The following SEMA3C variants were observed in gnomAD, a reference collection of about 807,000 sequenced individuals.
SEMA3C encodes the protein semaphorin-3C.
SEMA3C carries 47 observed loss-of-function variants against 89.4 expected under a neutral mutation model. That is an observed-to-expected ratio of 0.53 (90% CI 0.42 to 0.67). The LOEUF (loss-of-function observed/expected upper bound fraction) is 0.67, where lower values mean the gene tolerates loss of function less well. Among genes scored for constraint, SEMA3C ranks in the 30% least tolerant of loss-of-function variants. SEMA3C has a pLI of 0.00. For synonymous variants in SEMA3C, 310 were observed against 320.2 expected (o/e 0.97, Z 0.34); for missense variants, 839 against 929.1 (o/e 0.90, Z 1.26).
intron 12 of SEMA3C, among the ~76,000 whole-genome samples, chr7:80,768,224 CCT>C (rs1472226664): frequency 2.4e-4 from 37 of 152,126 alleles, no homozygotes; most frequent in Admixed American, 1.9e-3. Context: ...CTTAGAATTA[CCT>C]CTGATAGCCG....
intron 2 of SEMA3C, among the ~76,000 whole-genome samples, chr7:80,882,456 A>T (rs542184744): frequency 2.9e-4 from 32 of 110,572 alleles, no homozygotes; most frequent in African/African-American, 1.1e-3. Context: ...TTCACTGTCA[A>T]TTATGCCTCG....
intron 2 of SEMA3C, among the ~76,000 whole-genome samples, chr7:80,909,037 G>C (rs767176461): frequency 2.0e-5 from 3 of 151,880 alleles, no homozygotes; most frequent in Admixed American, 1.3e-4. Flanking sequence ...AGACTAAAAC[G>C]GTATTCAAAT....
intron 12 of SEMA3C, among the ~76,000 whole-genome samples, chr7:80,777,081 A>G (rs543761641): frequency 1.3e-5 from 2 of 152,230 alleles, no homozygotes; most frequent in Admixed American, 6.5e-5. Flanking sequence ...GCTTATACAT[A>G]TTTTATCTCA....
At chr7:80,876,226 A>G (rs1583969482) in intron 2 of SEMA3C, among the ~76,000 whole-genome samples, 1 of 152,162 alleles carries the variant, frequency 6.6e-6, no homozygotes, top group East Asian at 1.9e-4. Context: ...ATATTCTTAT[A>G]TTATCTGGTT....
intron 2 of SEMA3C, among the ~76,000 whole-genome samples, chr7:80,884,020 T>C (rs1474299649): frequency 6.6e-6 from 1 of 152,222 alleles, no homozygotes; most frequent in Non-Finnish European, 1.5e-5. Context: ...TGAGCAGAAA[T>C]TCCATTTTGG....
chr7:80,752,551 G>A (rs943280407), intron 15 of SEMA3C, among the ~76,000 whole-genome samples: 129 of 147,080 alleles, frequency 8.8e-4, no homozygotes, highest in African/African-American at 3.2e-3. Flanking sequence ...GGAGGTGGAG[G>A]TTGTGGTGAG....
At chr7:80,863,886 T>TATGTATCACATACATATCACACAC (rs1562912102) in intron 2 of SEMA3C, among the ~76,000 whole-genome samples, 11 of 122,448 alleles carry the variant, frequency 9.0e-5, no homozygotes, top group South Asian at 5.3e-4. Context: ...GTATCACATA[T>TATGTATCACATACATATCACACAC]ATATCACACA....
chr7:80,890,334 G>A (rs543899444), intron 2 of SEMA3C, among the ~76,000 whole-genome samples: 17 of 152,162 alleles, frequency 1.1e-4, no homozygotes, highest in Non-Finnish European at 2.2e-4. Context: ...TCTCCCTTTG[G>A]TTGTGGCCCC....
intron 2 of SEMA3C, among the ~76,000 whole-genome samples, chr7:80,876,656 ACTG>A (rs780134279): frequency 6.6e-6 from 1 of 152,254 alleles, no homozygotes; most frequent in Non-Finnish European, 1.5e-5. Flanking sequence ...TATAAATTAT[ACTG>A]CTTTCTCATC....
At chr7:80,750,699 A>G (rs1471709731) in intron 16 of SEMA3C, among the ~76,000 whole-genome samples, 1 of 151,900 alleles carries the variant, frequency 6.6e-6, no homozygotes, top group Admixed American at 6.6e-5. Context: ...ATTCATAAGA[A>G]TTCATAAAGA....
intron 2 of SEMA3C, among the ~76,000 whole-genome samples, chr7:80,874,324 T>C (rs893127543): frequency 6.6e-6 from 1 of 152,180 alleles, no homozygotes; most frequent in African/African-American, 2.4e-5. Context: ...GTCCTTTGCA[T>C]ACTGGTTGTT....
chr7:80,780,895 C>T (rs1788678451), intron 12 of SEMA3C, among the ~76,000 whole-genome samples: 1 of 152,116 alleles, frequency 6.6e-6, no homozygotes, highest in Non-Finnish European at 1.5e-5. Flanking sequence ...TAAAACAACA[C>T]AAATTTATTA....
chr7:80,750,432 GTACATATATA>G (rs1787897717), intron 16 of SEMA3C, among the ~76,000 whole-genome samples: 1 of 31,144 alleles, frequency 3.2e-5, no homozygotes, highest in Non-Finnish European at 5.7e-5. Flanking sequence ...ACATACATAC[GTACATATATA>G]TATATATATA....
chr7:80,750,852 C>T (rs556800192), intron 16 of SEMA3C, among the ~76,000 whole-genome samples: 2 of 151,960 alleles, frequency 1.3e-5, no homozygotes, highest in East Asian at 3.9e-4. Context: ...ATGCTTAATG[C>T]CACAGAACTG....
At chr7:80,831,761 C>T (rs1202320862) in intron 2 of SEMA3C, among the ~76,000 whole-genome samples, 2 of 152,006 alleles carry the variant, frequency 1.3e-5, no homozygotes, top group Non-Finnish European at 2.9e-5. Flanking sequence ...TGAGAAATGC[C>T]TAAAACAAAG....
intron 2 of SEMA3C, among the ~76,000 whole-genome samples, chr7:80,883,594 C>T (rs966138421): frequency 6.6e-6 from 1 of 152,206 alleles, no homozygotes; most frequent in Admixed American, 6.6e-5. Flanking sequence ...AAGGTCACCA[C>T]CCTGTCTTTG....
intron 2 of SEMA3C, among the ~76,000 whole-genome samples, chr7:80,890,407 G>T (rs1471874510): frequency 6.6e-6 from 1 of 151,944 alleles, no homozygotes; most frequent in Non-Finnish European, 1.5e-5. Context: ...AGTGTATAAA[G>T]AAAAATAAAA....
At chr7:80,762,800 T>C (rs1285082082) in intron 13 of SEMA3C, among the ~76,000 whole-genome samples, 1 of 152,018 alleles carries the variant, frequency 6.6e-6, no homozygotes, top group Non-Finnish European at 1.5e-5. Context: ...GTAACAAGAG[T>C]GAAACCCATT....
At chr7:80,845,147 C>G (rs1790360350) in intron 2 of SEMA3C, among the ~76,000 whole-genome samples, 1 of 152,078 alleles carries the variant, frequency 6.6e-6, no homozygotes, top group Non-Finnish European at 1.5e-5. Context: ...GCTTTTTACT[C>G]AATCTAAGAA....
Sources: allele counts gnomAD v4.1 joint callset (sites outside exome capture counted in the v4.1 genomes callset), GRCh38; gene constraint gnomAD v4.1.1; transcripts MANE v1.5; gene names NCBI Gene and HGNC (gene_info 2026-07-23, HGNC 2026-07-21).